UXS1: variants seen among roughly 807,000 people sequenced by gnomAD.
UXS1 encodes UDP-glucuronate decarboxylase 1.
Under a neutral mutation model 62.6 loss-of-function variants are expected in UXS1, and 33 were observed. The observed-to-expected ratio is 0.53, with a 90% CI of 0.40 to 0.70. The LOEUF is 0.70. UXS1 is among the 30% of genes least tolerant of loss of function. UXS1 has a pLI of 0.00. For missense variants in UXS1, 434 were observed against 556.3 expected (o/e 0.78, Z 2.21); for synonymous variants, 213 against 206.8 (o/e 1.03, Z -0.26).
intron 5 of UXS1, among the ~76,000 whole-genome samples, chr2:106,157,282 A>AT (rs1483732136): frequency 6.6e-6 from 1 of 151,810 alleles, no homozygotes; most frequent in Admixed American, 6.6e-5. Context: ...ACTTTAAAAA[A>AT]AATGCAACAT....
At chr2:106,187,177 A>G (rs1684614066) in intron 1 of UXS1, among the ~76,000 whole-genome samples, 1 of 152,228 alleles carries the variant, frequency 6.6e-6, no homozygotes, top group Admixed American at 6.5e-5. Flanking sequence ...TAGAAAAGAT[A>G]GAAAATCTGA....
rs375051294 is a variant in UXS1 at position 106,105,766 on chromosome 2, AGAG to A, written c.880-932_880-930del. Among the ~76,000 whole-genome samples, 21 of 152,356 alleles carry A rather than the reference AGAG, an allele frequency of 1.4e-4. 1 individual carries two copies. The highest frequency in any genetic ancestry group is 5.1e-4 in the African/African-American group (21 of 41,582). ...CACTCACTGAGGCGGAGACGGCAACAGAGGTGCTTGGGGAGATCTCCTAAGCGC... is the reference window on the plus strand; with the variant it reads ...CACTCACTGAGGCGGAGACGGCAACAGTGCTTGGGGAGATCTCCTAAGCGC... On this transcript the variant is annotated intron_variant, in intron 10 of 14. Coordinates refer to ENST00000283148, the MANE Select transcript of UXS1 (RefSeq NM_001253875.2).
At chr2:106,142,944 T>C (rs1204926513) in intron 6 of UXS1, among the ~76,000 whole-genome samples, 1 of 151,820 alleles carries the variant, frequency 6.6e-6, no homozygotes, top group Non-Finnish European at 1.5e-5. Context: ...TGTGTGTGTG[T>C]GTCCTACACA....
chr2:106,149,603 C>T (rs1681854566), intron 5 of UXS1, among the ~76,000 whole-genome samples: 1 of 152,130 alleles, frequency 6.6e-6, no homozygotes, highest in African/African-American at 2.4e-5. Context: ...TCTTGGACTC[C>T]CCAGCCTCCA....
In UXS1 at chr2:106,125,683, C is replaced by T. The variant is rs4851925; in HGVS notation, c.578-4G>A. 0.99 allele frequency: 1,561,321 copies of T among 1,572,038 alleles called. 775,782 individuals are homozygous for T. Among genetic ancestry groups the T allele is most frequent in the East Asian group, 1 (42,551 of 42,552 alleles). ...GCACCGACTCGTTTTGCCAGCCCTA[C>T]AGAAAGCAATGACATGATAAAAGAG... On this transcript the variant is annotated splice_polypyrimidine_tract_variant and splice_region_variant and intron_variant, in intron 7 of 14. Transcript: ENST00000283148.
intron 6 of UXS1, among the ~76,000 whole-genome samples, chr2:106,137,671 T>C (rs1202373723): frequency 1.3e-5 from 2 of 150,974 alleles, no homozygotes; most frequent in African/African-American, 4.9e-5. Flanking sequence ...GGCAGGCACC[T>C]GTAATCCCAG....
At chr2:106,181,933 C>T (rs1216825668) in intron 1 of UXS1, among the ~76,000 whole-genome samples, 2 of 152,100 alleles carry the variant, frequency 1.3e-5, no homozygotes, top group African/African-American at 4.8e-5. Context: ...AAGTATACAA[C>T]TTAAGGATTA....
chr2:106,103,526 C>G lies in UXS1; in HGVS notation c.923+1268G>C, dbSNP rs144492492. Among the ~76,000 whole-genome samples, 14 of 152,362 alleles carry G rather than the reference C, an allele frequency of 9.2e-5. No individual in the cohort carries two copies. The East Asian group carries it at 2.7e-3, about 29-fold the overall frequency. On this transcript the variant is annotated intron_variant, in intron 11 of 14. Transcript: ENST00000283148. ...GGAGGCCCACAATTTGGTCCCCATA[C>G]AGAAGTGTGCCATGATAGTTTCCTC...
intron 1 of UXS1, chr2:106,183,370 C>T (rs1293192582): frequency 1.3e-5 from 2 of 152,002 alleles, no homozygotes; most frequent in Admixed American, 6.6e-5. Context: ...CTAAGAATAA[C>T]ATTCCAAGAT....
rs557648740 is a variant in UXS1 at position 106,193,884 on chromosome 2, G to A, written c.94+264C>T. 1.5e-4 allele frequency among the ~76,000 whole-genome samples: 23 copies of A among 152,076 alleles called. No individual in the cohort carries two copies. The South Asian group carries it at 3.5e-3, about 23-fold the overall frequency. ...CCCCCGCGCCCGGGCAGGAGGCAGAGACCTGGGGCCGCCCGAGGACTGCTA... is the reference window on the plus strand; with the variant it reads ...CCCCCGCGCCCGGGCAGGAGGCAGAAACCTGGGGCCGCCCGAGGACTGCTA... On this transcript the variant is annotated intron_variant, in intron 1 of 14. Transcript: ENST00000283148.
intron 1 of UXS1, among the ~76,000 whole-genome samples, chr2:106,174,446 CAAGAT>C (rs1169934759): frequency 8.5e-5 from 13 of 152,206 alleles, no homozygotes; most frequent in Admixed American, 8.5e-4. Context: ...AGTAATGTCA[CAAGAT>C]AAGAGCACCA....
At chr2:106,161,483 C>T (rs959890685) in intron 4 of UXS1, among the ~76,000 whole-genome samples, 16 of 151,434 alleles carry the variant, frequency 1.1e-4, no homozygotes, top group African/African-American at 3.9e-4. Flanking sequence ...CATTAAGCTC[C>T]GTTCTACACT....
chr2:106,148,567 G>A (rs1292616096), intron 5 of UXS1, among the ~76,000 whole-genome samples: 8 of 152,268 alleles, frequency 5.3e-5, no homozygotes, highest in South Asian at 4.1e-4. Context: ...TAGTACTGAC[G>A]TAAAATTGTT....
chr2:106,185,441 A>T (rs942320819), intron 1 of UXS1, among the ~76,000 whole-genome samples: 4 of 152,192 alleles, frequency 2.6e-5, no homozygotes, highest in Admixed American at 2.6e-4. Context: ...TCTAGACACC[A>T]AGCAAGTGGC....
chr2:106,190,747 A>AAAG (rs1419552177), intron 1 of UXS1, among the ~76,000 whole-genome samples: 1 of 151,626 alleles, frequency 6.6e-6, no homozygotes, highest in African/African-American at 2.4e-5. Flanking sequence ...CTGTATCAAA[A>AAAG]AAAAAAAAAA....
chr2:106,142,852 G>A (rs1681230081), intron 6 of UXS1, among the ~76,000 whole-genome samples: 1 of 152,044 alleles, frequency 6.6e-6, no homozygotes, highest in Non-Finnish European at 1.5e-5. Context: ...CTGAGCAAAG[G>A]ACAAAGCACC....
rs1007246371 is a variant in UXS1 at position 106,137,359 on chromosome 2, T to C, written c.473-7581A>G. The stretch of plus-strand genomic sequence containing the variant: ...CAGCACAGACCGGGTCAGTTCCTGC[T>C]ACACCTACTTCCAAGCTCCAGGGCT... On this transcript the variant is annotated intron_variant, in intron 6 of 14. Transcript: ENST00000283148. Among the ~76,000 whole-genome samples the C allele has an allele frequency of 6.6e-5, 10 of 152,358 alleles. No homozygotes were observed. The South Asian group carries it at 1.2e-3, about 19-fold the overall frequency.
At chr2:106,178,167 G>A (rs1684012542) in intron 1 of UXS1, among the ~76,000 whole-genome samples, 1 of 152,166 alleles carries the variant, frequency 6.6e-6, no homozygotes, top group African/African-American at 2.4e-5. Flanking sequence ...CCGCCGCGTG[G>A]GGGCCCTGGC....
chr2:106,129,839 C>CAAAAAAA, intron 6 of UXS1, 61 bp from the exon 7 acceptor site: 1 of 1,071,524 alleles, frequency 9.3e-7, no homozygotes, highest in Non-Finnish European at 1.4e-6. Context: ...TACTGACCTC[C>CAAAAAAA]TAGGATATAT....
Sources: gnomAD v4.1 joint callset for allele counts (sites outside exome capture counted in the v4.1 genomes callset) on GRCh38, gnomAD v4.1.1 for gene constraint, MANE v1.5 for transcripts, NCBI Gene and HGNC (gene_info 2026-07-23, HGNC 2026-07-21) for gene names.